The following TDRD5 variants were observed in gnomAD, a reference collection of about 807,000 sequenced individuals.
The protein encoded by TDRD5 is tudor domain containing 5.
TDRD5 carries 41 observed loss-of-function variants against 120.6 expected under a neutral mutation model. That is an observed-to-expected ratio of 0.34 (90% CI 0.26 to 0.44). The LOEUF (loss-of-function observed/expected upper bound fraction) is 0.44, where lower values mean the gene tolerates loss of function less well. Ranked by LOEUF, TDRD5 falls within the 20% of genes least tolerant of loss-of-function variation. TDRD5 has a pLI of 1.00. For synonymous variants in TDRD5, 430 were observed against 433.7 expected, an observed-to-expected ratio of 0.99 and a Z score of 0.11; for missense variants, 1,006 against 1,221.2, an observed-to-expected ratio of 0.82 and a Z score of 2.63.
chr1:179,643,930 A>G (rs1678194698), intron 11 of TDRD5, among the ~76,000 whole-genome samples: 1 of 152,194 alleles, frequency 6.6e-6, no homozygotes, highest in African/African-American at 2.4e-5. Context: ...GCAAAAGGAG[A>G]AAATCCTGAA....
intron 3 of TDRD5, among the ~76,000 whole-genome samples, chr1:179,595,032 A>G (rs1675312998): frequency 6.6e-6 from 1 of 151,890 alleles, no homozygotes; most frequent in African/African-American, 2.4e-5. Context: ...CTTGAAGTCA[A>G]CTGTTGTTTT....
At chr1:179,601,638 A>G (rs1455248745) in intron 4 of TDRD5, among the ~76,000 whole-genome samples, 1 of 152,126 alleles carries the variant, frequency 6.6e-6, no homozygotes, top group Non-Finnish European at 1.5e-5. Flanking sequence ...GTATATAGAT[A>G]CCATAGTTTC....
chr1:179,598,445 A>G (rs73035973), intron 4 of TDRD5, among the ~76,000 whole-genome samples: 4,508 of 152,274 alleles, frequency 0.03, 222 homozygotes, highest in African/African-American at 0.1. Context: ...GGATCTATAG[A>G]TATGTTTGGG....
At chr1:179,637,465 C>G (rs996962858) in intron 9 of TDRD5, among the ~76,000 whole-genome samples, 1 of 152,138 alleles carries the variant, frequency 6.6e-6, no homozygotes, top group Non-Finnish European at 1.5e-5. Context: ...ATACTATAGA[C>G]TGGGTACAGT....
intron 11 of TDRD5, among the ~76,000 whole-genome samples, chr1:179,643,634 G>GA (rs71114598): frequency 0.93 from 141,348 of 152,212 alleles, 66,247 homozygotes; most frequent in Non-Finnish European, 0.99. Flanking sequence ...CAGATCAAAA[G>GA]AATTATCCAA....
chr1:179,659,318 G>A (rs1188217423), intron 14 of TDRD5, among the ~76,000 whole-genome samples: 6 of 152,140 alleles, frequency 3.9e-5, no homozygotes, highest in Non-Finnish European at 8.8e-5. Flanking sequence ...TTACTGAGAA[G>A]AACACTGAAG....
chr1:179,632,327 G>A (rs1033977537), intron 7 of TDRD5, among the ~76,000 whole-genome samples: 2 of 151,520 alleles, frequency 1.3e-5, no homozygotes, highest in South Asian at 2.1e-4. Flanking sequence ...GCAACACCTC[G>A]CAAAACTAGA....
chr1:179,664,432 C>T (rs1029174170), intron 16 of TDRD5, among the ~76,000 whole-genome samples: 1 of 151,766 alleles, frequency 6.6e-6, no homozygotes, highest in African/African-American at 2.4e-5. Context: ...ATCACGCTCT[C>T]AAAAAAAACC....
Position 179,639,853 on chromosome 1 carries a change from A to G in TDRD5, c.1535A>G (p.Asn512Ser), listed in dbSNP as rs146184309. Residue 512 changes from asparagine to serine, a missense_variant, in exon 10 of 18, where the codon AAT becomes AGT. This residue lies in a region of TDRD5 where 158 missense variants were observed against 257.5 expected (regional missense o/e 0.61). Coordinates refer to ENST00000444136, the MANE Select transcript of TDRD5 (RefSeq NM_001199085.3). ...GAATTCCACAGGCGCTGTTATTCTA[A>G]TCAGCTGGTTTCTGATCGATATGTC... ...MMIEMRRCYSNQLVSDRYVMP... is the reference protein window; with the variant it reads ...MMIEMRRCYSSQLVSDRYVMP... The G allele has an allele frequency of 6.2e-7, 1 of 1,614,062 alleles. No homozygotes were observed. Among genetic ancestry groups the G allele is most frequent in the African/African-American group, 1.3e-5 (1 of 75,014 alleles).
Position 179,687,887 on chromosome 1 carries a change from C to T in TDRD5, c.2861-2809C>T, listed in dbSNP as rs868823985. Among the ~76,000 whole-genome samples the T allele has an allele frequency of 3.6e-3, 479 of 134,040 alleles. 2 individuals carry two copies. Among genetic ancestry groups the T allele is most frequent in the African/African-American group, 0.012 (451 of 36,588 alleles). 87.9% of individuals were successfully genotyped at this position (134,040 alleles called of 152,430 possible). ...CAACCCCTGCTTTTTTTTTTTTTTC[C>T]ATTTGCTTGGTAGTTCTTCCTCCAT... On this transcript the variant is annotated intron_variant, in intron 17 of 17. Transcript: ENST00000444136.
At chr1:179,660,144 GCCT>G (rs965673558) in intron 14 of TDRD5, among the ~76,000 whole-genome samples, 2 of 148,856 alleles carry the variant, frequency 1.3e-5, no homozygotes, top group African/African-American at 2.5e-5. Flanking sequence ...TCATTCATCT[GCCT>G]CCTCTTTCTT....
At chr1:179,646,103 G>A (rs1309647083) in intron 11 of TDRD5, among the ~76,000 whole-genome samples, 1 of 151,818 alleles carries the variant, frequency 6.6e-6, no homozygotes, top group Non-Finnish European at 1.5e-5. Context: ...ACTTTATTTT[G>A]TGTATACTAT....
chr1:179,633,434 C>A (rs977838742), intron 7 of TDRD5, among the ~76,000 whole-genome samples: 1 of 151,972 alleles, frequency 6.6e-6, no homozygotes, highest in East Asian at 1.9e-4. Flanking sequence ...TCACTGCAAC[C>A]TCCGCCTCCC....
intron 17 of TDRD5, among the ~76,000 whole-genome samples, chr1:179,684,760 T>C (rs1217694613): frequency 1.3e-5 from 2 of 152,218 alleles, no homozygotes; most frequent in Non-Finnish European, 2.9e-5. Flanking sequence ...TGAGATATTA[T>C]CTCATTGTGG....
chr1:179,670,661 A>G (rs1277173184), intron 17 of TDRD5, among the ~76,000 whole-genome samples: 1 of 152,168 alleles, frequency 6.6e-6, no homozygotes, highest in Non-Finnish European at 1.5e-5. Flanking sequence ...TGTTTACCAC[A>G]ATGTTCACCA....
intron 4 of TDRD5, among the ~76,000 whole-genome samples, chr1:179,596,240 A>G (rs1675384851): frequency 6.6e-6 from 1 of 152,232 alleles, no homozygotes; most frequent in South Asian, 2.1e-4. Context: ...ATGCCTGACT[A>G]AATCATCATG....
intron 5 of TDRD5, 26 bp from the exon 6 acceptor site, chr1:179,621,009 A>G (rs1232709911): frequency 2.6e-6 from 4 of 1,562,450 alleles, no homozygotes; most frequent in Admixed American, 3.8e-5. Flanking sequence ...GTGTGTCTAT[A>G]TTGTATTTCA....
At chr1:179,595,236 A>G (rs1675326839) in intron 3 of TDRD5, among the ~76,000 whole-genome samples, 1 of 152,060 alleles carries the variant, frequency 6.6e-6, no homozygotes, top group South Asian at 2.1e-4. Context: ...ATCCTCCCAG[A>G]ACTGTGGTAC....
chr1:179,666,790 T>A (rs2147772331), intron 16 of TDRD5, among the ~76,000 whole-genome samples: 1 of 152,386 alleles, frequency 6.6e-6, no homozygotes, highest in East Asian at 1.9e-4. Context: ...AGTTTGTCCA[T>A]GTCAACATTT....
Sources: gnomAD v4.1 joint callset for allele counts (sites outside exome capture counted in the v4.1 genomes callset) on GRCh38, gnomAD v4.1.1 for gene constraint, gnomAD v4.1.1 regional missense constraint, MANE v1.5 for transcripts, NCBI Gene and HGNC (gene_info 2026-07-23, HGNC 2026-07-21) for gene names.